KDM3B: variants seen among roughly 807,000 people sequenced by gnomAD.
KDM3B encodes lysine demethylase 3B, also known as lysine-specific demethylase 3B.
Under a neutral mutation model 170.0 loss-of-function variants are expected in KDM3B, and 10 were observed. The ratio of observed to expected loss-of-function variants is 0.06; its 90% CI spans 0.04 to 0.10. KDM3B has a LOEUF of 0.10. KDM3B is among the 10% of genes least tolerant of loss of function. The pLI is 1.00. For missense variants in KDM3B, 1,394 were observed against 2,195.2 expected (o/e 0.64, Z 7.29); for synonymous variants, 831 against 834.8 (o/e 1.00, Z 0.08).
chr5:138,415,136 A>G lies in KDM3B; in HGVS notation c.3204A>G (p.Thr1068=), dbSNP rs1370508655. 6.3e-7 allele frequency: 1 copy of G among 1,590,606 alleles called. No homozygotes were observed. The highest frequency in any genetic ancestry group is 1.3e-5 in the African/African-American group (1 of 74,546). The change falls in exon 12 of 24, where the codon ACA becomes ACG. Residue 1068 remains threonine (T), a synonymous_variant. Transcript: ENST00000314358. The part of the protein sequence containing the change: ...RLRKSRPRSE[T]EEMGDEEVFS... The stretch of plus-strand genomic sequence containing the variant: ...GTGAAATCATTTCTATTTCAGAGAC[A>G]GAAGAGATGGGTGATGAAGAAGTTT...
chr5:138,363,658 T>C (rs1761672633), intron 1 of KDM3B, among the ~76,000 whole-genome samples: 1 of 152,190 alleles, frequency 6.6e-6, no homozygotes, highest in Non-Finnish European at 1.5e-5. Flanking sequence ...GTGATTCTCC[T>C]GCCTCAGCCT....
At chr5:138,375,821 C>G (rs951947331) in intron 3 of KDM3B, among the ~76,000 whole-genome samples, 24 of 152,086 alleles carry the variant, frequency 1.6e-4, no homozygotes, top group African/African-American at 5.8e-4. Flanking sequence ...GGATTACAGG[C>G]ATGTGCCACC....
intron 7 of KDM3B, among the ~76,000 whole-genome samples, chr5:138,387,875 A>G (rs959821462): frequency 6.6e-6 from 1 of 152,126 alleles, no homozygotes; most frequent in African/African-American, 2.4e-5. Context: ...AGGTCAGGAG[A>G]TCAAGACCAT....
chr5:138,419,728 T>TACACACACACACACACACACAC (rs144047213), intron 14 of KDM3B, among the ~76,000 whole-genome samples: 18 of 122,178 alleles, frequency 1.5e-4, no homozygotes, highest in East Asian at 2.4e-4. Flanking sequence ...TACACACACA[T>TACACACACACACACACACACAC]ACACACACAC....
At chr5:138,396,995 G>C (rs1762563815) in intron 9 of KDM3B, among the ~76,000 whole-genome samples, 1 of 152,088 alleles carries the variant, frequency 6.6e-6, no homozygotes, top group Non-Finnish European at 1.5e-5. Flanking sequence ...AAATTGGCCT[G>C]GGCAACATGG....
chr5:138,373,419 TA>T (rs1415974269), intron 2 of KDM3B, among the ~76,000 whole-genome samples: 3 of 152,166 alleles, frequency 2.0e-5, no homozygotes, highest in Non-Finnish European at 2.9e-5. Context: ...ACATTATTTG[TA>T]ACCTTTAAAG....
chr5:138,414,331 A>G (rs1260464964), intron 11 of KDM3B, among the ~76,000 whole-genome samples: 1 of 152,004 alleles, frequency 6.6e-6, no homozygotes, highest in African/African-American at 2.4e-5. Context: ...ACACCTGGCT[A>G]ATTTTTTGTA....
At chr5:138,364,461 T>G (rs1761693699) in intron 1 of KDM3B, among the ~76,000 whole-genome samples, 1 of 152,210 alleles carries the variant, frequency 6.6e-6, no homozygotes, top group Non-Finnish European at 1.5e-5. Flanking sequence ...TCATCTATAA[T>G]GCCATGGTGA....
At chr5:138,388,186 G>T (rs978525496) in intron 7 of KDM3B, among the ~76,000 whole-genome samples, 2 of 152,204 alleles carry the variant, frequency 1.3e-5, no homozygotes, top group African/African-American at 4.8e-5. Context: ...GAGATCCATT[G>T]AATGCTGCTA....
chr5:138,424,231 G>C lies in KDM3B; in HGVS notation c.4129G>C (p.Asp1377His). 6.2e-7 allele frequency: 1 copy of C among 1,614,148 alleles called. No homozygotes were observed. The highest frequency in any genetic ancestry group is 8.5e-7 in the Non-Finnish European group (1 of 1,180,008). ...KEMVMGLNVL[D>H]PHTSHSWLCD... Reference sequence around the variant, plus strand: ...GATGGTGATGGGGTTAAATGTGCTAGATCCCCATACTTCTCACTCCTGGCT... The same window carrying C: ...GATGGTGATGGGGTTAAATGTGCTACATCCCCATACTTCTCACTCCTGGCT... Residue 1377 changes from aspartate (D) to histidine (H), a missense_variant, in exon 16 of 24, where the codon GAT becomes CAT. Physicochemically the swap from Asp to His is moderately conservative, Grantham distance 81 (BLOSUM62 -1). This residue lies in a region of KDM3B where 137 missense variants were observed against 166.9 expected (regional missense o/e 0.82). Coordinates refer to ENST00000314358, the MANE Select transcript of KDM3B (RefSeq NM_016604.4).
rs778488667 is a variant in KDM3B, at chr5:138,391,600, A to G, written c.1968A>G (p.Ala656=). The G allele has an allele frequency of 3.1e-6, 5 of 1,614,164 alleles. No individual in the cohort carries two copies. Among genetic ancestry groups the G allele is most frequent in the Non-Finnish European group, 4.2e-6 (5 of 1,180,032 alleles). ...HSPFSSFASQ[A]SGSSSSATTV... ...CTTTCAGTAGTTTTGCATCTCAGGC[A>G]TCAGGTAGCTCCTCTTCTGCTACCA... The change falls in exon 8 of 24, where the codon GCA becomes GCG. Residue 656 remains alanine (A), a synonymous_variant. Transcript: ENST00000314358. This position sits in a 1 kb window ranked among gnomAD's most constrained non-coding sequence, Gnocchi z 5.0.
At chr5:138,396,400 T>C (rs1762547890) in intron 9 of KDM3B, among the ~76,000 whole-genome samples, 1 of 152,062 alleles carries the variant, frequency 6.6e-6, no homozygotes, top group Non-Finnish European at 1.5e-5. Flanking sequence ...CGGCCAAGTA[T>C]AGACAACTCT....
intron 1 of KDM3B, among the ~76,000 whole-genome samples, chr5:138,359,784 A>G (rs1761551719): frequency 6.6e-6 from 1 of 152,130 alleles, no homozygotes; most frequent in Non-Finnish European, 1.5e-5. Flanking sequence ...TAGTTATCTC[A>G]TGTATCCAGA....
intron 9 of KDM3B, among the ~76,000 whole-genome samples, chr5:138,395,186 T>C (rs1762517170): frequency 6.6e-6 from 1 of 152,188 alleles, no homozygotes; most frequent in Non-Finnish European, 1.5e-5. Context: ...GATACAGCTC[T>C]AGAGTTAAGG....
At chr5:138,380,392 C>A (rs1379981531) in intron 5 of KDM3B, among the ~76,000 whole-genome samples, 1 of 149,658 alleles carries the variant, frequency 6.7e-6, no homozygotes, top group Admixed American at 6.7e-5. Flanking sequence ...ATAAGTCACA[C>A]TTTAGTAACA....
In KDM3B at chr5:138,386,346, G is replaced by A. The variant is rs1163496992; in HGVS notation, c.1105G>A (p.Val369Met). The A allele has an allele frequency of 6.2e-7, 1 of 1,614,228 alleles. No individual in the cohort carries two copies. The highest frequency in any genetic ancestry group is 8.5e-7 in the Non-Finnish European group (1 of 1,180,050). Reference protein sequence around the residue: ...YTKENGRTLVVQDEPVGGDTP... With the variant: ...YTKENGRTLVMQDEPVGGDTP... The stretch of plus-strand genomic sequence containing the variant: ...CAAAGAAAACGGCAGGACTCTGGTG[G>A]TGCAGGATGAGCCTGTAGGTGGGGA... The change falls in exon 7 of 24, where the codon GTG becomes ATG. Residue 369 changes from valine to methionine, a missense_variant. Transcript: ENST00000314358.
chr5:138,420,193 C>A (rs1462294051), intron 14 of KDM3B, among the ~76,000 whole-genome samples: 1 of 152,180 alleles, frequency 6.6e-6, no homozygotes, highest in Non-Finnish European at 1.5e-5. Flanking sequence ...CAGCCATATA[C>A]AAGACTTTTA....
chr5:138,367,248 G>C (rs914017210), intron 1 of KDM3B, among the ~76,000 whole-genome samples: 2 of 152,082 alleles, frequency 1.3e-5, no homozygotes, highest in Admixed American at 6.5e-5. Flanking sequence ...CTGTCAAGTT[G>C]CTACTTTATT....
Position 138,429,973 on chromosome 5 carries a change from C to T in KDM3B, c.4893+8C>T, listed in dbSNP as rs367846861. The T allele has an allele frequency of 5.6e-6, 9 of 1,613,614 alleles. No homozygotes were observed. Among genetic ancestry groups the T allele is most frequent in the Non-Finnish European group, 6.8e-6 (8 of 1,179,866 alleles). On this transcript the variant is annotated splice_region_variant and intron_variant, in intron 21 of 23. Transcript: ENST00000314358. ...CGGGAGCTGCTCCGAAAGGTACGCC[C>T]CTGGGTGGGCTGTGCTCCCAGCTCA...
Sources: allele counts gnomAD v4.1 joint callset (sites outside exome capture counted in the v4.1 genomes callset), GRCh38; gene constraint gnomAD v4.1.1; regional missense constraint gnomAD v4.1.1; non-coding constraint Gnocchi (gnomAD v3.1); transcripts MANE v1.5; gene names NCBI Gene and HGNC (gene_info 2026-07-23, HGNC 2026-07-21).